The following ASIC2 variants were observed in gnomAD, a reference collection of about 807,000 sequenced individuals.
The protein encoded by ASIC2 is acid sensing ion channel subunit 2.
Under a neutral mutation model 57.3 loss-of-function variants are expected in ASIC2, and 25 were observed. The ratio of observed to expected loss-of-function variants is 0.44; its 90% CI spans 0.32 to 0.61. The LOEUF is 0.61. ASIC2 is among the 20% of genes least tolerant of loss of function. The pLI is 0.06. For synonymous variants in ASIC2, 319 were observed against 307.5 expected, an observed-to-expected ratio of 1.04 and a Z score of -0.39; for missense variants, 641 against 738.1, an observed-to-expected ratio of 0.87 and a Z score of 1.52.
At chr17:33,529,368 C>A (rs1464058919) in intron 1 of ASIC2, among the ~76,000 whole-genome samples, 2 of 152,150 alleles carry the variant, frequency 1.3e-5, no homozygotes. Context: ...CTGAGAACCA[C>A]CAAGGATGGT....
chr17:33,622,205 T>A (rs1905822421), intron 1 of ASIC2, among the ~76,000 whole-genome samples: 1 of 151,998 alleles, frequency 6.6e-6, no homozygotes, highest in Admixed American at 6.6e-5. Flanking sequence ...CTACAGAAGC[T>A]TAAGAGATTG....
intron 1 of ASIC2, among the ~76,000 whole-genome samples, chr17:33,662,125 C>A (rs1406750810): frequency 6.6e-6 from 1 of 152,116 alleles, no homozygotes; most frequent in Non-Finnish European, 1.5e-5. Context: ...AGGTGAAAAT[C>A]ATTATTACTC....
chr17:33,599,704 T>C (rs1905077606), intron 1 of ASIC2, among the ~76,000 whole-genome samples: 2 of 152,106 alleles, frequency 1.3e-5, no homozygotes, highest in South Asian at 2.1e-4. Flanking sequence ...AACAGAGCAG[T>C]GGAAGAGAAG....
Position 33,061,947 on chromosome 17 carries a change from G to A in ASIC2, c.987+26916C>T, listed in dbSNP as rs575463698. On this transcript the variant is annotated intron_variant, in intron 3 of 9. Transcript: ENST00000225823. ...CTTCTAGATTTTCTAGTTTATTTGC[G>A]TAGAGGTGTTTATAATATTCTCTGA... 7.2e-5 allele frequency among the ~76,000 whole-genome samples: 11 copies of A among 152,230 alleles called. No homozygotes were observed. The East Asian group carries it at 9.6e-4, about 13-fold the overall frequency.
At chr17:34,155,922 C>T (rs1190051728) in intron 1 of ASIC2, 13 of 1,535,504 alleles carry the variant, frequency 8.5e-6, no homozygotes, top group Non-Finnish European at 1.0e-5. Context: ...AGGAGACCAC[C>T]GGCGCACCAC....
At chr17:33,624,596 G>C (rs1230715159) in intron 1 of ASIC2, among the ~76,000 whole-genome samples, 1 of 152,250 alleles carries the variant, frequency 6.6e-6, no homozygotes, top group African/African-American at 2.4e-5. Flanking sequence ...GCTGGAGAAG[G>C]AGCGTTGGAA....
chr17:33,179,001 G>A (rs1292933619), intron 1 of ASIC2, among the ~76,000 whole-genome samples: 1 of 152,224 alleles, frequency 6.6e-6, no homozygotes, highest in East Asian at 1.9e-4. Flanking sequence ...AAGTGCATGA[G>A]AAATGGAAGC....
intron 3 of ASIC2, among the ~76,000 whole-genome samples, chr17:33,046,752 T>A (rs1238101435): frequency 6.6e-6 from 1 of 152,250 alleles, no homozygotes; most frequent in Non-Finnish European, 1.5e-5. Flanking sequence ...TGTCAGGGTC[T>A]GTGTGTGTGC....
At chr17:33,795,815 T>C (rs1911898957) in intron 1 of ASIC2, among the ~76,000 whole-genome samples, 1 of 152,228 alleles carries the variant, frequency 6.6e-6, no homozygotes, top group African/African-American at 2.4e-5. Flanking sequence ...AGACCTGCAA[T>C]CAGTAGCACT....
At chr17:33,087,556 G>A (rs529917144) in intron 3 of ASIC2, among the ~76,000 whole-genome samples, 36 of 146,762 alleles carry the variant, frequency 2.5e-4, no homozygotes, top group Non-Finnish European at 4.6e-4. Context: ...TATAGCTCAC[G>A]TATAGATTTA....
chr17:33,865,759 T>TAAAAAAAAAAAAAAAAAAAA (rs61218521), intron 1 of ASIC2, among the ~76,000 whole-genome samples: 3 of 122,104 alleles, frequency 2.5e-5, no homozygotes, highest in Admixed American at 8.2e-5. Flanking sequence ...AAAAAAAAAA[T>TAAAAAAAAAAAAAAAAAAAA]AAAAAAAAAA....
intron 1 of ASIC2, among the ~76,000 whole-genome samples, chr17:33,739,924 GAAA>G (rs1395796681): frequency 9.0e-6 from 1 of 110,584 alleles, no homozygotes; most frequent in African/African-American, 3.4e-5. Flanking sequence ...AAAGAAAAAA[GAAA>G]GAAAAAAGAG....
chr17:33,957,736 C>T (rs771817760), intron 1 of ASIC2, among the ~76,000 whole-genome samples: 14 of 152,074 alleles, frequency 9.2e-5, no homozygotes, highest in Non-Finnish European at 1.8e-4. Context: ...CATATTATTC[C>T]ACTCCTGGCC....
At chr17:33,309,921 T>C (rs901539323) in intron 1 of ASIC2, among the ~76,000 whole-genome samples, 12 of 144,654 alleles carry the variant, frequency 8.3e-5, no homozygotes, top group Non-Finnish European at 1.1e-4. Context: ...TTATTTTGTA[T>C]CTAGAATGCC....
chr17:33,963,845 T>G (rs1326578291), intron 1 of ASIC2, among the ~76,000 whole-genome samples: 2 of 152,062 alleles, frequency 1.3e-5, no homozygotes, highest in Non-Finnish European at 2.9e-5. Context: ...TGAGAAGACA[T>G]TCTTACATTT....
At chr17:33,992,121 C>T (rs922763536) in intron 1 of ASIC2, among the ~76,000 whole-genome samples, 1 of 152,064 alleles carries the variant, frequency 6.6e-6, no homozygotes, top group African/African-American at 2.4e-5. Context: ...AGAACTGGAC[C>T]GGTTTGGTGG....
chr17:33,933,933 TC>T (rs1916001841), intron 1 of ASIC2, among the ~76,000 whole-genome samples: 4 of 152,232 alleles, frequency 2.6e-5, no homozygotes, highest in Admixed American at 2.6e-4. Flanking sequence ...AGGAGCTCAC[TC>T]CTTCCAAGGC....
At chr17:33,544,960 A>G (rs926230668) in intron 1 of ASIC2, among the ~76,000 whole-genome samples, 1 of 152,104 alleles carries the variant, frequency 6.6e-6, no homozygotes, top group African/African-American at 2.4e-5. Context: ...TACTGTCTCC[A>G]AGAATTATTT....
At chr17:33,378,396 G>T (rs1394391) in intron 1 of ASIC2, among the ~76,000 whole-genome samples, 27,456 of 152,142 alleles carry the variant, frequency 0.18, 3,387 homozygotes, top group East Asian at 0.66. Context: ...TTCCTCAGCT[G>T]GTTCAGAGGG....
Sources: allele counts gnomAD v4.1 joint callset (sites outside exome capture counted in the v4.1 genomes callset), GRCh38; gene constraint gnomAD v4.1.1; transcripts MANE v1.5; gene names NCBI Gene and HGNC (gene_info 2026-07-23, HGNC 2026-07-21).